Variants in SLC24A2 observed in about 807,000 individuals in gnomAD.
SLC24A2 encodes solute carrier family 24 member 2, also known as sodium/potassium/calcium exchanger 2.
Under a neutral mutation model 62.0 loss-of-function variants are expected in SLC24A2, and 36 were observed. That is an observed-to-expected ratio of 0.58 (90% CI 0.44 to 0.77). The LOEUF (loss-of-function observed/expected upper bound fraction) is 0.77, where lower values mean the gene tolerates loss of function less well. SLC24A2 is among the 30% of genes least tolerant of loss of function. The probability of loss-of-function intolerance (pLI) is 0.00; values close to 1 mark genes in which losing one functional copy is unlikely to be tolerated. For missense variants in SLC24A2, 846 were observed against 817.9 expected, an observed-to-expected ratio of 1.03 and a Z score of -0.42; for synonymous variants, 358 against 294.0, an observed-to-expected ratio of 1.22 and a Z score of -2.23.
chr9:20,165,422 C>A, the SLC24A2 span, among the ~76,000 whole-genome samples: 1 of 151,690 alleles, frequency 6.6e-6, no homozygotes, highest in African/African-American at 2.4e-5. Flanking sequence ...TACTAAAATG[C>A]CTCTGTAATT....
chr9:20,031,230 T>G, the SLC24A2 span, among the ~76,000 whole-genome samples: 782 of 149,246 alleles, frequency 5.2e-3, 5 homozygotes, highest in African/African-American at 0.018. Flanking sequence ...ACACACACCC[T>G]GTGTGTGTGT....
intron 1 of SLC24A2, 65 bp downstream of exon 1, chr9:19,788,820 C>A (rs1587330289): frequency 1.7e-5 from 17 of 985,308 alleles, no homozygotes; most frequent in East Asian, 2.3e-4. Flanking sequence ...TGCGCGCAAC[C>A]GGGATGCGGG....
the SLC24A2 span, among the ~76,000 whole-genome samples, chr9:19,947,364 G>GGAAAGAAGGAAGGAAGGAAGGAAGAA: frequency 6.8e-6 from 1 of 146,242 alleles, no homozygotes; most frequent in Non-Finnish European, 1.5e-5. Flanking sequence ...AAGGAAGGAA[G>GGAAAGAAGGAAGGAAGGAAGGAAGAA]GAAAGAAGGA....
At chr9:19,906,097 T>G in the SLC24A2 span, among the ~76,000 whole-genome samples, 2 of 152,102 alleles carry the variant, frequency 1.3e-5, no homozygotes, top group African/African-American at 2.4e-5. Context: ...CCTCAGCAAA[T>G]GTAAAAGAAC....
At chr9:19,818,644 G>T in the SLC24A2 span, among the ~76,000 whole-genome samples, 1 of 152,002 alleles carries the variant, frequency 6.6e-6, no homozygotes, top group East Asian at 1.9e-4. Context: ...TAACCAAGGA[G>T]TCGAAAGACC....
chr9:20,173,770 CT>C, the SLC24A2 span, among the ~76,000 whole-genome samples: 1 of 152,004 alleles, frequency 6.6e-6, no homozygotes, highest in East Asian at 1.9e-4. Context: ...AATAAACATA[CT>C]GTCAAAAGCA....
chr9:19,978,763 G>A, the SLC24A2 span, among the ~76,000 whole-genome samples: 1 of 152,120 alleles, frequency 6.6e-6, no homozygotes, highest in Non-Finnish European at 1.5e-5. Flanking sequence ...GGTGATTGAA[G>A]AGAAAACTTA....
At chr9:19,691,441 G>A (rs1405522815) in intron 2 of SLC24A2, among the ~76,000 whole-genome samples, 3 of 152,084 alleles carry the variant, frequency 2.0e-5, no homozygotes, top group Non-Finnish European at 2.9e-5. Context: ...GGAAAAGCAG[G>A]GCTCAAGGTG....
intron 2 of SLC24A2, among the ~76,000 whole-genome samples, chr9:19,759,167 T>G (rs1217166507): frequency 6.6e-6 from 1 of 152,196 alleles, no homozygotes; most frequent in African/African-American, 2.4e-5. Context: ...CAAAGCACGA[T>G]GCTTCTATTT....
chr9:20,235,343 G>A, the SLC24A2 span, among the ~76,000 whole-genome samples: 1 of 152,256 alleles, frequency 6.6e-6, no homozygotes, highest in Non-Finnish European at 1.5e-5. Flanking sequence ...ACAGAGGCAG[G>A]CAGGCCTCCT....
At chr9:20,110,339 G>A in the SLC24A2 span, among the ~76,000 whole-genome samples, 21 of 152,090 alleles carry the variant, frequency 1.4e-4, no homozygotes, top group African/African-American at 4.6e-4. Context: ...AATTGTGTTA[G>A]GAATTCAAGA....
chr9:20,057,317 C>A, the SLC24A2 span, among the ~76,000 whole-genome samples: 1 of 152,104 alleles, frequency 6.6e-6, no homozygotes, highest in African/African-American at 2.4e-5. Context: ...TTTTGATGTA[C>A]CTGGCCAAGT....
the SLC24A2 span, among the ~76,000 whole-genome samples, chr9:20,219,572 T>C: frequency 3.3e-5 from 5 of 152,208 alleles, no homozygotes; most frequent in African/African-American, 1.2e-4. Context: ...CTATTCTTAA[T>C]AGTGCCTTCG....
At chr9:20,233,948 C>T in the SLC24A2 span, among the ~76,000 whole-genome samples, 4 of 152,290 alleles carry the variant, frequency 2.6e-5, no homozygotes, top group East Asian at 7.7e-4. Flanking sequence ...TCAGCTTTTG[C>T]TTGTCTGTAA....
chr9:20,212,148 A>G, the SLC24A2 span, among the ~76,000 whole-genome samples: 1 of 151,920 alleles, frequency 6.6e-6, no homozygotes, highest in African/African-American at 2.4e-5. Context: ...TATTAAATGC[A>G]TCTTCCCAAA....
At chr9:20,101,314 T>C in the SLC24A2 span, among the ~76,000 whole-genome samples, 1 of 152,214 alleles carries the variant, frequency 6.6e-6, no homozygotes, top group Non-Finnish European at 1.5e-5. Flanking sequence ...GGACTTACTA[T>C]TCAAGTGTAA....
the SLC24A2 span, among the ~76,000 whole-genome samples, chr9:20,122,914 A>G: frequency 6.6e-6 from 1 of 152,188 alleles, no homozygotes; most frequent in Non-Finnish European, 1.5e-5. Context: ...ATTTTTACTG[A>G]GAGCCAGTCA....
At chr9:20,131,433 G>C in the SLC24A2 span, among the ~76,000 whole-genome samples, 1 of 152,036 alleles carries the variant, frequency 6.6e-6, no homozygotes. Flanking sequence ...GATATACCTT[G>C]GAAAACAAAA....
intron 5 of SLC24A2, among the ~76,000 whole-genome samples, chr9:19,592,537 C>T (rs201454413): frequency 8.2e-5 from 9 of 109,978 alleles, no homozygotes; most frequent in Admixed American, 3.8e-4. Context: ...TACCTACCTA[C>T]CTACCTATCT....
Sources: gnomAD v4.1 joint callset for allele counts (sites outside exome capture counted in the v4.1 genomes callset) on GRCh38, gnomAD v4.1.1 for gene constraint, MANE v1.5 for transcripts, NCBI Gene and HGNC (gene_info 2026-07-23, HGNC 2026-07-21) for gene names.